The following DLGAP4 variants were observed in gnomAD, a reference collection of about 807,000 sequenced individuals.
DLGAP4 encodes disks large-associated protein 4.
In DLGAP4, 18 loss-of-function variants were observed where a neutral mutation model predicts 86.9. The observed-to-expected ratio is 0.21, with a 90% CI of 0.14 to 0.31. The LOEUF is 0.31. DLGAP4 is among the 10% of genes least tolerant of loss of function. DLGAP4 has a pLI of 1.00. For missense variants in DLGAP4, 1,085 were observed against 1,362.6 expected (o/e 0.80, Z 3.21); for synonymous variants, 548 against 574.3 (o/e 0.95, Z 0.65).
At chr20:36,422,836 G>A (rs900503463) in intron 2 of DLGAP4, among the ~76,000 whole-genome samples, 5 of 152,174 alleles carry the variant, frequency 3.3e-5, no homozygotes, top group African/African-American at 4.8e-5. Flanking sequence ...TTATATTAAT[G>A]AGCAGTAATT....
At chr20:36,398,491 T>G (rs373578087) in intron 2 of DLGAP4, among the ~76,000 whole-genome samples, 3 of 151,528 alleles carry the variant, frequency 2.0e-5, no homozygotes, top group South Asian at 2.1e-4. Context: ...GTCAAAGGAG[T>G]GATGTTTATG....
In DLGAP4 at chr20:36,525,233, AAAAAAAAAAAAAAAAAAAAAAC is replaced by A. The variant is rs1189896218; in HGVS notation, c.2605-614_2605-593del. On this transcript the variant is annotated intron_variant, in intron 11 of 12. Coordinates refer to ENST00000339266, the MANE Select transcript of DLGAP4 (RefSeq NM_001365621.2). ...CTCCGTCTCAAAAAAAAAAAAAAAA[AAAAAAAAAAAAAAAAAAAAAAC>A]AAAGAAATCCCACTGCTGGGATTGG... Among the ~76,000 whole-genome samples, 41 of 122,136 alleles carry A rather than the reference AAAAAAAAAAAAAAAAAAAAAAC, an allele frequency of 3.4e-4. 3 individuals carry two copies. The highest frequency in any genetic ancestry group is 1.6e-3 in the South Asian group (6 of 3,748). The allele number at this position is 122,136 out of a possible 152,430, so 80.1% of individuals were successfully genotyped here.
At chr20:36,362,831 A>T (rs1304431587) in intron 1 of DLGAP4, among the ~76,000 whole-genome samples, 19 of 152,200 alleles carry the variant, frequency 1.2e-4, no homozygotes, top group African/African-American at 4.1e-4. Flanking sequence ...TGTGCTGTGG[A>T]GGGCTGGGGA....
intron 10 of DLGAP4, among the ~76,000 whole-genome samples, chr20:36,516,752 C>T (rs1484440303): frequency 2.0e-5 from 3 of 151,058 alleles, no homozygotes; most frequent in Non-Finnish European, 2.9e-5. Flanking sequence ...TGTTTCATTT[C>T]CTCTGAATAA....
chr20:36,317,983 C>T (rs2065125581), intron 1 of DLGAP4, among the ~76,000 whole-genome samples: 1 of 151,742 alleles, frequency 6.6e-6, no homozygotes, highest in Admixed American at 6.6e-5. Context: ...TGAAGCCGGC[C>T]CTGGTTCTCT....
intron 10 of DLGAP4, among the ~76,000 whole-genome samples, chr20:36,506,976 T>C (rs1362082724): frequency 6.6e-6 from 1 of 152,244 alleles, no homozygotes; most frequent in African/African-American, 2.4e-5. Flanking sequence ...GGTTCATCCA[T>C]AGCATGTGTC....
At chr20:36,310,777 G>A (rs1339645245) in intron 1 of DLGAP4, among the ~76,000 whole-genome samples, 3 of 152,190 alleles carry the variant, frequency 2.0e-5, no homozygotes, top group African/African-American at 7.2e-5. Flanking sequence ...GGGCTGGCGA[G>A]GCTTGGCAGT....
chr20:36,328,423 A>G (rs1166221081), intron 1 of DLGAP4, among the ~76,000 whole-genome samples: 1 of 151,922 alleles, frequency 6.6e-6, no homozygotes, highest in East Asian at 1.9e-4. Flanking sequence ...GATTAAAGAA[A>G]TGCCATTATA....
intron 1 of DLGAP4, among the ~76,000 whole-genome samples, chr20:36,356,898 C>T (rs1168659940): frequency 2.0e-5 from 3 of 152,154 alleles, no homozygotes; most frequent in African/African-American, 7.2e-5. Context: ...ACCTCATTCC[C>T]CACATCAAAC....
At chr20:36,329,174 T>G (rs1851581604) in intron 1 of DLGAP4, among the ~76,000 whole-genome samples, 2 of 152,268 alleles carry the variant, frequency 1.3e-5, no homozygotes, top group South Asian at 4.2e-4. Flanking sequence ...TCTCCCAAAT[T>G]CCTGGGATTA....
chr20:36,439,946 C>T, intron 5 of DLGAP4, 78 bp downstream of exon 5: 1 of 1,286,664 alleles, frequency 7.8e-7, no homozygotes. Flanking sequence ...CACGCCCAGG[C>T]CCAGCCCATG....
chr20:36,526,796 T>C lies in DLGAP4; in HGVS notation c.2761-17T>C. On this transcript the variant is annotated splice_polypyrimidine_tract_variant and intron_variant, in intron 12 of 12. Coordinates refer to ENST00000339266, the MANE Select transcript of DLGAP4 (RefSeq NM_001365621.2). ...CCTTTATTTTATTTTTGTTCTCTCC[T>C]CACTGTCTCACTAAAGGAAGAGAAG... 6.3e-7 allele frequency: 1 copy of C among 1,581,046 alleles called. No homozygotes were observed. The highest frequency in any genetic ancestry group is 8.6e-7 in the Non-Finnish European group (1 of 1,165,708).
intron 7 of DLGAP4, among the ~76,000 whole-genome samples, chr20:36,495,794 T>TG (rs1415700647): frequency 6.6e-6 from 1 of 152,108 alleles, no homozygotes; most frequent in Admixed American, 6.5e-5. Context: ...GAGAAAGTGT[T>TG]GGGGTGGGAA....
chr20:36,429,427 CAG>C (rs2033071320), intron 2 of DLGAP4, among the ~76,000 whole-genome samples: 1 of 98,766 alleles, frequency 1.0e-5, no homozygotes, highest in Non-Finnish European at 1.9e-5. Flanking sequence ...TTTTTTGAGA[CAG>C]AGTCTTATTC....
chr20:36,435,668 G>T (rs1055221253), intron 3 of DLGAP4, among the ~76,000 whole-genome samples: 1 of 152,250 alleles, frequency 6.6e-6, no homozygotes, highest in African/African-American at 2.4e-5. Context: ...AGGGTCGTCT[G>T]ATCCCCCATT....
At chr20:36,462,117 A>C (rs1600568748) in intron 7 of DLGAP4, 2 of 1,002,358 alleles carry the variant, frequency 2.0e-6, no homozygotes, top group Non-Finnish European at 2.4e-6. Flanking sequence ...CTGAACCCCC[A>C]TTGCCCCTGG....
chr20:36,326,076 A>G (rs2147351420), intron 1 of DLGAP4, among the ~76,000 whole-genome samples: 1 of 152,250 alleles, frequency 6.6e-6, no homozygotes, highest in East Asian at 1.9e-4. Context: ...TGGTGTTAAC[A>G]TGGTCTATAT....
rs1485415390 is a variant in DLGAP4, at chr20:36,446,935, C to T, written c.1646C>T (p.Pro549Leu). 4.4e-6 allele frequency: 7 copies of T among 1,606,406 alleles called. No homozygotes were observed. Among genetic ancestry groups the T allele is most frequent in the Middle Eastern group, 1.6e-4 (1 of 6,068 alleles). Residue 549 changes from proline (P) to leucine (L), a missense_variant and splice_region_variant, in exon 7 of 13, where the codon CCG (proline) becomes CTG (leucine). This residue lies in a region of DLGAP4 where 1,082 missense variants were observed against 1,344.1 expected (regional missense o/e 0.81). Transcript: ENST00000339266. ...AGCCTCAGCAATAGTCGCACGCTTC[C>T]GAGTGAGTACTGTGATGAGGGAAGG... ...TGSLSNSRTL[P>L]SSSCLVAYKK...
At chr20:36,316,839 G>C (rs1035442061) in intron 1 of DLGAP4, among the ~76,000 whole-genome samples, 1 of 152,158 alleles carries the variant, frequency 6.6e-6, no homozygotes, top group African/African-American at 2.4e-5. Context: ...CCTCTTCTCT[G>C]GGGGCCACCT....
Sources: gnomAD v4.1 joint callset for allele counts (sites outside exome capture counted in the v4.1 genomes callset) on GRCh38, gnomAD v4.1.1 for gene constraint, gnomAD v4.1.1 regional missense constraint, MANE v1.5 for transcripts, NCBI Gene and HGNC (gene_info 2026-07-23, HGNC 2026-07-21) for gene names.